Variants in REC114 observed in about 807,000 individuals in gnomAD.
The protein encoded by REC114 is REC114 meiotic recombination protein.
A neutral mutation model predicts 31.3 loss-of-function variants in REC114; 27 were observed. The ratio of observed to expected loss-of-function variants is 0.86; its 90% CI spans 0.64 to 1.19. The LOEUF (loss-of-function observed/expected upper bound fraction) is 1.19, where lower values mean the gene tolerates loss of function less well. Ranked by LOEUF, REC114 falls within the 50% of genes most tolerant of loss-of-function variation. The pLI is 0.00. For synonymous variants in REC114, 134 were observed against 127.7 expected (o/e 1.05, Z -0.33); for missense variants, 344 against 326.9 (o/e 1.05, Z -0.40).
At chr15:73,490,958 T>C (rs1893432949) in intron 2 of REC114, among the ~76,000 whole-genome samples, 1 of 152,190 alleles carries the variant, frequency 6.6e-6, no homozygotes, top group African/African-American at 2.4e-5. Context: ...TTTTTGTGTC[T>C]AGCTTCTTTA....
At chr15:73,546,426 T>C (rs1382768961) in intron 3 of REC114, among the ~76,000 whole-genome samples, 2 of 152,064 alleles carry the variant, frequency 1.3e-5, no homozygotes, top group African/African-American at 2.4e-5. Context: ...TTGTGGTTTA[T>C]AATAGGAACA....
At chr15:73,535,883 C>G (rs1894149355) in intron 2 of REC114, among the ~76,000 whole-genome samples, 2 of 151,490 alleles carry the variant, frequency 1.3e-5, no homozygotes, top group South Asian at 4.2e-4. Context: ...ATATCTACAA[C>G]TATCTGATCT....
At chr15:73,455,799 AT>A (rs1392608739) in intron 1 of REC114, among the ~76,000 whole-genome samples, 1 of 152,148 alleles carries the variant, frequency 6.6e-6, no homozygotes, top group African/African-American at 2.4e-5. Flanking sequence ...CCAGACCTTA[AT>A]GTGCATAGAA....
intron 1 of REC114, among the ~76,000 whole-genome samples, chr15:73,467,075 G>T (rs757660966): frequency 1.3e-5 from 2 of 152,210 alleles, no homozygotes; most frequent in Non-Finnish European, 2.9e-5. Flanking sequence ...ATGGATGGGG[G>T]TTAGCTGTAA....
At chr15:73,475,005 C>A (rs1173026749) in intron 2 of REC114, among the ~76,000 whole-genome samples, 1 of 152,164 alleles carries the variant, frequency 6.6e-6, no homozygotes, top group Non-Finnish European at 1.5e-5. Flanking sequence ...GCATCAGTTG[C>A]AAGAGATAAA....
intron 1 of REC114, among the ~76,000 whole-genome samples, chr15:73,468,325 T>C (rs562266077): frequency 6.6e-6 from 1 of 152,342 alleles, no homozygotes; most frequent in East Asian, 1.9e-4. Flanking sequence ...TATCCCTTAG[T>C]ATTTTATATT....
At chr15:73,514,335 C>T (rs1396471294) in intron 2 of REC114, among the ~76,000 whole-genome samples, 1 of 151,734 alleles carries the variant, frequency 6.6e-6, no homozygotes, top group African/African-American at 2.4e-5. Flanking sequence ...TGGCCTGCGC[C>T]CACTGTCTGG....
intron 2 of REC114, among the ~76,000 whole-genome samples, chr15:73,482,542 G>A (rs1202201169): frequency 6.6e-6 from 1 of 152,078 alleles, no homozygotes; most frequent in Admixed American, 6.5e-5. Context: ...CCCAGCCTCA[G>A]GTATTCCTTT....
chr15:73,545,816 A>G (rs1894300904), intron 3 of REC114, among the ~76,000 whole-genome samples: 1 of 152,212 alleles, frequency 6.6e-6, no homozygotes, highest in Non-Finnish European at 1.5e-5. Context: ...TATGAAATAC[A>G]GTTGCTGATG....
intron 1 of REC114, among the ~76,000 whole-genome samples, chr15:73,468,989 A>T (rs1410302390): frequency 1.3e-5 from 2 of 152,116 alleles, no homozygotes; most frequent in African/African-American, 4.8e-5. Flanking sequence ...CTCAGGTAAC[A>T]TTCTCTTAAA....
intron 1 of REC114, among the ~76,000 whole-genome samples, chr15:73,468,678 G>GTT (rs567083539): frequency 0.094 from 12,943 of 138,226 alleles, 655 homozygotes; most frequent in African/African-American, 0.14. Flanking sequence ...GTTAGCTGTA[G>GTT]TTTTTTTTTT....
intron 5 of REC114, among the ~76,000 whole-genome samples, chr15:73,558,930 C>T (rs563971522): frequency 5.3e-5 from 8 of 152,340 alleles, no homozygotes; most frequent in African/African-American, 1.9e-4. Context: ...GATAACCAAA[C>T]TGTGGCACAT....
rs143037770 is a variant in REC114, at chr15:73,480,932, C to T, written c.249+7011C>T. ...ACCTCAGGTGATTCACCCACCTTGGCCTCCCAAAGTGCTGGGATTACAGGC... is the reference window on the plus strand; with the variant it reads ...ACCTCAGGTGATTCACCCACCTTGGTCTCCCAAAGTGCTGGGATTACAGGC... On this transcript the variant is annotated intron_variant, in intron 2 of 5. Transcript: ENST00000331090. Among the ~76,000 whole-genome samples the T allele has an allele frequency of 3.5e-3, 529 of 152,292 alleles. 3 individuals carry two copies. Among genetic ancestry groups the T allele is most frequent in the African/African-American group, 0.012 (491 of 41,542 alleles).
chr15:73,531,466 G>A lies in REC114; in HGVS notation c.250-9019G>A, dbSNP rs557564892. 2.0e-5 allele frequency among the ~76,000 whole-genome samples: 3 copies of A among 152,304 alleles called. No homozygotes were observed. In the South Asian group the frequency reaches 6.2e-4, roughly 32 times the overall value. ...AGAAACGCACTTCATAATTTATAAT[G>A]CATGAAAAGCAAAGCTTGAGATTCT... On this transcript the variant is annotated intron_variant, in intron 2 of 5. Coordinates refer to ENST00000331090, the MANE Select transcript of REC114 (RefSeq NM_001042367.2).
intron 2 of REC114, among the ~76,000 whole-genome samples, chr15:73,525,293 T>G (rs1893990664): frequency 6.6e-6 from 1 of 152,170 alleles, no homozygotes; most frequent in South Asian, 2.1e-4. Context: ...TCAATCTAGA[T>G]AGAGATTATT....
intron 2 of REC114, among the ~76,000 whole-genome samples, chr15:73,486,001 CA>C (rs1893359703): frequency 6.6e-6 from 1 of 152,220 alleles, no homozygotes; most frequent in Non-Finnish European, 1.5e-5. Context: ...TACTGTCCTA[CA>C]TCTAAATAAA....
intron 2 of REC114, among the ~76,000 whole-genome samples, chr15:73,505,402 A>G (rs570782222): frequency 1.1e-4 from 17 of 152,156 alleles, no homozygotes; most frequent in African/African-American, 4.1e-4. Context: ...TTTTTGTCCA[A>G]TTGGCCCGTA....
At chr15:73,546,360 T>C (rs1297841685) in intron 3 of REC114, among the ~76,000 whole-genome samples, 1 of 152,066 alleles carries the variant, frequency 6.6e-6, no homozygotes, top group Non-Finnish European at 1.5e-5. Flanking sequence ...ACCCAGCAAA[T>C]CTGCTTTTAG....
chr15:73,554,097 C>T (rs914490847), intron 4 of REC114, among the ~76,000 whole-genome samples: 4 of 152,156 alleles, frequency 2.6e-5, no homozygotes, highest in Non-Finnish European at 5.9e-5. Context: ...ATGAACAAAT[C>T]AGCATCCTAG....
Sources: allele counts gnomAD v4.1 joint callset (sites outside exome capture counted in the v4.1 genomes callset), GRCh38; gene constraint gnomAD v4.1.1; transcripts MANE v1.5; gene names NCBI Gene and HGNC (gene_info 2026-07-23, HGNC 2026-07-21).